Variants in CSMD1 observed in about 807,000 individuals in gnomAD.
The protein encoded by CSMD1 is CUB and sushi domain-containing protein 1.
Under a neutral mutation model 417.5 loss-of-function variants are expected in CSMD1, and 213 were observed. The ratio of observed to expected loss-of-function variants is 0.51; its 90% CI spans 0.46 to 0.57. CSMD1 has a LOEUF of 0.57. Ranked by LOEUF, CSMD1 falls within the 20% of genes least tolerant of loss-of-function variation. The pLI is 0.00. For missense variants in CSMD1, 6,923 were observed against 4,529.7 expected (o/e 1.53, Z -15.17); for synonymous variants, 2,862 against 1,736.8 (o/e 1.65, Z -16.11).
intron 54 of CSMD1, among the ~76,000 whole-genome samples, chr8:2,994,499 C>T (rs770763070): frequency 1.4e-4 from 21 of 152,188 alleles, no homozygotes; most frequent in Non-Finnish European, 2.5e-4. Context: ...GTTCCCCACA[C>T]GCCATCGTGC....
chr8:3,338,463 A>C (rs1807419435), intron 23 of CSMD1, among the ~76,000 whole-genome samples: 1 of 152,230 alleles, frequency 6.6e-6, no homozygotes, highest in Non-Finnish European at 1.5e-5. Context: ...TGATGAGGGG[A>C]CCAATTCAGG....
At chr8:4,141,510 T>C (rs766681757) in intron 3 of CSMD1, among the ~76,000 whole-genome samples, 20 of 151,270 alleles carry the variant, frequency 1.3e-4, no homozygotes, top group Non-Finnish European at 2.9e-4. Context: ...TCCTGAGAGT[T>C]ATTCGCTACA....
rs557658305 is a variant in CSMD1 at position 4,794,544 on chromosome 8, C to T, written c.86-156986G>A. 3.1e-4 allele frequency among the ~76,000 whole-genome samples: 47 copies of T among 152,258 alleles called. No homozygotes were observed. The South Asian group carries it at 8.9e-3, about 29-fold the overall frequency. On this transcript the variant is annotated intron_variant, in intron 1 of 69. Transcript: ENST00000635120. Reference sequence around the variant, plus strand: ...TCCATCTCTGCCTGACTCTCCCTCCCCCACGTCCACCTATGTGCTGAGAGA... The same window carrying T: ...TCCATCTCTGCCTGACTCTCCCTCCTCCACGTCCACCTATGTGCTGAGAGA...
chr8:4,433,187 T>C (rs1797967657), intron 2 of CSMD1, among the ~76,000 whole-genome samples: 2 of 152,188 alleles, frequency 1.3e-5, no homozygotes, highest in African/African-American at 4.8e-5. Flanking sequence ...GTTGTATAAC[T>C]ATTTCGTTGT....
At chr8:2,957,923 T>G in intron 62 of CSMD1, 116 bp from the exon 63 acceptor site, 1 of 686,546 alleles carries the variant, frequency 1.5e-6, no homozygotes, top group South Asian at 1.7e-5. Flanking sequence ...TTCAGGTTAA[T>G]GTCAAGCCAC....
At chr8:4,450,778 T>C (rs888466794) in intron 2 of CSMD1, among the ~76,000 whole-genome samples, 4 of 152,182 alleles carry the variant, frequency 2.6e-5, no homozygotes, top group Non-Finnish European at 5.9e-5. Context: ...AAAGCAAGTA[T>C]TGTATTTTCA....
rs964503126 is a variant in CSMD1 at position 3,559,538 on chromosome 8, T to C, written c.1344+15407A>G. 2.0e-5 allele frequency among the ~76,000 whole-genome samples: 3 copies of C among 152,064 alleles called. No individual in the cohort carries two copies. In the South Asian group the frequency reaches 6.2e-4, roughly 32 times the overall value. On this transcript the variant is annotated intron_variant, in intron 10 of 69. Coordinates refer to ENST00000635120, the MANE Select transcript of CSMD1 (RefSeq NM_033225.6). ...GAGAAGGAAGAGGAAAAATGGAAGA[T>C]GATAAAGGAAAAGAATTGGGTTTTT...
At chr8:3,287,116 C>G (rs551022252) in intron 25 of CSMD1, among the ~76,000 whole-genome samples, 2 of 151,684 alleles carry the variant, frequency 1.3e-5, no homozygotes, top group African/African-American at 2.4e-5. Flanking sequence ...TCAGGTTTGT[C>G]AAAGATCAGA....
chr8:2,953,267 A>T (rs1350115664), intron 65 of CSMD1, among the ~76,000 whole-genome samples: 3 of 152,190 alleles, frequency 2.0e-5, no homozygotes, highest in Non-Finnish European at 2.9e-5. Context: ...TATATTCTTT[A>T]TTATTCAGAT....
chr8:3,567,961 G>A (rs1563161409), intron 10 of CSMD1, among the ~76,000 whole-genome samples: 1 of 152,152 alleles, frequency 6.6e-6, no homozygotes, highest in East Asian at 1.9e-4. Context: ...ACCCACCAAT[G>A]ACTGTGCAGG....
intron 3 of CSMD1, among the ~76,000 whole-genome samples, chr8:4,357,575 T>C (rs1018503200): frequency 6.6e-6 from 1 of 152,198 alleles, no homozygotes; most frequent in Non-Finnish European, 1.5e-5. Flanking sequence ...TCATTCTCCA[T>C]GGTCTGCTTA....
intron 4 of CSMD1, among the ~76,000 whole-genome samples, chr8:4,023,588 T>TC (rs1238804184): frequency 2.0e-5 from 3 of 150,022 alleles, no homozygotes; most frequent in African/African-American, 2.5e-5. Context: ...TTCAACTTTT[T>TC]TTTTTTTTTT....
intron 5 of CSMD1, among the ~76,000 whole-genome samples, chr8:3,792,575 G>C (rs750575649): frequency 2.0e-5 from 3 of 152,052 alleles, no homozygotes; most frequent in Admixed American, 2.0e-4. Context: ...CTCCTCCTTT[G>C]TTAGCTCCCA....
chr8:3,494,491 G>T (rs1420590443), intron 10 of CSMD1, among the ~76,000 whole-genome samples: 2 of 151,974 alleles, frequency 1.3e-5, no homozygotes, highest in Non-Finnish European at 2.9e-5. Flanking sequence ...ATAATTAGAG[G>T]AATGATAGAT....
At chr8:3,799,072 T>C (rs1032325129) in intron 5 of CSMD1, among the ~76,000 whole-genome samples, 1 of 152,044 alleles carries the variant, frequency 6.6e-6, no homozygotes, top group Non-Finnish European at 1.5e-5. Flanking sequence ...AATTAGAACA[T>C]GAAAAACTTC....
chr8:4,869,286 C>G (rs1456378941), intron 1 of CSMD1, among the ~76,000 whole-genome samples: 1 of 151,968 alleles, frequency 6.6e-6, no homozygotes, highest in Admixed American at 6.6e-5. Flanking sequence ...TAATTCCATC[C>G]TGTTTTATCA....
intron 49 of CSMD1, among the ~76,000 whole-genome samples, chr8:3,068,246 CT>C (rs1297456219): frequency 6.6e-6 from 1 of 151,872 alleles, no homozygotes; most frequent in Non-Finnish European, 1.5e-5. Context: ...TGCTCATGTT[CT>C]TTTTTCTTTT....
In CSMD1 at chr8:4,069,436, G is replaced by GT. The variant is rs2050170405; in HGVS notation, c.416-37338dup. Among the ~76,000 whole-genome samples, 5 of 152,156 alleles carry GT rather than the reference G, an allele frequency of 3.3e-5. No individual in the cohort carries two copies. The South Asian group carries it at 1.0e-3, about 32-fold the overall frequency. On this transcript the variant is annotated intron_variant, in intron 3 of 69. Coordinates refer to ENST00000635120, the MANE Select transcript of CSMD1 (RefSeq NM_033225.6). ...TCCATGAGCATCTATGATATTCACCGTAAAGGAAATACAGTTTTGTCTTTC... is the reference window on the plus strand; with the variant it reads ...TCCATGAGCATCTATGATATTCACCGTTAAAGGAAATACAGTTTTGTCTTTC...
chr8:3,170,109 C>T lies in CSMD1; in HGVS notation c.5726-7832G>A, dbSNP rs189295558. The stretch of plus-strand genomic sequence containing the variant: ...GGCGCTGCTGTGGCAGCCAGCCCTG[C>T]TAGAAGCACCCTTCTGCGCAAAAGT... On this transcript the variant is annotated intron_variant, in intron 37 of 69. Coordinates refer to ENST00000635120, the MANE Select transcript of CSMD1 (RefSeq NM_033225.6). Among the ~76,000 whole-genome samples, 474 of 152,370 alleles carry T rather than the reference C, an allele frequency of 3.1e-3. 1 individual carries two copies. The highest frequency in any genetic ancestry group is 5.1e-3 in the Non-Finnish European group (344 of 68,028).
Sources: allele counts gnomAD v4.1 joint callset (sites outside exome capture counted in the v4.1 genomes callset), GRCh38; gene constraint gnomAD v4.1.1; transcripts MANE v1.5; gene names NCBI Gene and HGNC (gene_info 2026-07-23, HGNC 2026-07-21).